Variants in LRP1B observed in about 807,000 individuals in gnomAD.
LRP1B encodes low-density lipoprotein receptor-related protein 1B.
In LRP1B, 217 loss-of-function variants were observed where a neutral mutation model predicts 556.6. The observed-to-expected ratio is 0.39, with a 90% CI of 0.35 to 0.44. LRP1B has a LOEUF of 0.44. Among genes scored for constraint, LRP1B ranks in the 20% least tolerant of loss-of-function variants. LRP1B has a pLI of 1.00. For missense variants in LRP1B, 5,053 were observed against 5,620.8 expected (o/e 0.90, Z 3.23); for synonymous variants, 2,047 against 1,865.8 (o/e 1.10, Z -2.50).
At chr2:141,212,140 A>C (rs5022755) in intron 6 of LRP1B, among the ~76,000 whole-genome samples, 151,668 of 151,964 alleles carry the variant, frequency 1, 75,686 homozygotes, top group Middle Eastern at 1. Flanking sequence ...AGATGTGCTT[A>C]GAATTCTTCA....
intron 3 of LRP1B, among the ~76,000 whole-genome samples, chr2:141,341,596 C>A (rs1044164304): frequency 6.6e-6 from 1 of 152,158 alleles, no homozygotes; most frequent in Non-Finnish European, 1.5e-5. Flanking sequence ...ATAACATTCT[C>A]TTTTCCTAGT....
chr2:141,795,353 A>G (rs1035365359), intron 2 of LRP1B, among the ~76,000 whole-genome samples: 7 of 152,018 alleles, frequency 4.6e-5, no homozygotes, highest in African/African-American at 1.7e-4. Flanking sequence ...TTTCTTTATA[A>G]AAAAATATTA....
intron 27 of LRP1B, among the ~76,000 whole-genome samples, chr2:140,860,967 G>T (rs991511693): frequency 1.4e-5 from 2 of 148,100 alleles, no homozygotes; most frequent in South Asian, 4.3e-4. Context: ...CGAAGTAAGA[G>T]AATTGTGCAT....
At chr2:140,752,509 G>A (rs1427632391) in intron 35 of LRP1B, among the ~76,000 whole-genome samples, 1 of 151,818 alleles carries the variant, frequency 6.6e-6, no homozygotes, top group African/African-American at 2.4e-5. Context: ...ATTTTTAGTA[G>A]AGACAGGGTT....
chr2:140,687,202 C>T (rs1686079949), intron 41 of LRP1B, among the ~76,000 whole-genome samples: 1 of 151,924 alleles, frequency 6.6e-6, no homozygotes, highest in Non-Finnish European at 1.5e-5. Context: ...GCTTAAATTG[C>T]CCAAGGAAAT....
chr2:141,258,696 G>A (rs1389765439), intron 3 of LRP1B, among the ~76,000 whole-genome samples: 1 of 152,070 alleles, frequency 6.6e-6, no homozygotes, highest in East Asian at 1.9e-4. Flanking sequence ...TTGGGGGCAG[G>A]TTTTTCTCTT....
At chr2:141,204,830 G>C (rs1026456918) in intron 6 of LRP1B, among the ~76,000 whole-genome samples, 4 of 151,962 alleles carry the variant, frequency 2.6e-5, no homozygotes, top group Admixed American at 6.6e-5. Context: ...CCAACTATTT[G>C]GGAGGCTGAG....
intron 4 of LRP1B, among the ~76,000 whole-genome samples, chr2:141,248,545 G>A (rs1410603875): frequency 2.0e-5 from 3 of 152,124 alleles, no homozygotes; most frequent in African/African-American, 7.2e-5. Context: ...CATGCGAACG[G>A]TATTGGGATG....
intron 7 of LRP1B, among the ~76,000 whole-genome samples, chr2:141,076,174 A>C (rs1402831551): frequency 3.3e-5 from 5 of 152,182 alleles, no homozygotes; most frequent in Admixed American, 3.3e-4. Flanking sequence ...CCTCAAGTTA[A>C]GTGTTTAAGA....
chr2:141,302,207 G>A (rs1415364585), intron 3 of LRP1B, among the ~76,000 whole-genome samples: 1 of 151,726 alleles, frequency 6.6e-6, no homozygotes, highest in African/African-American at 2.4e-5. Context: ...TTAAATATCT[G>A]GTATTTGAAA....
intron 1 of LRP1B, among the ~76,000 whole-genome samples, chr2:142,035,839 G>A (rs886473504): frequency 6.6e-6 from 1 of 151,630 alleles, no homozygotes; most frequent in Admixed American, 6.6e-5. Flanking sequence ...GAATTCCCAC[G>A]TGTGATGGGA....
chr2:141,049,606 T>C (rs1272804224), intron 10 of LRP1B, among the ~76,000 whole-genome samples: 1 of 152,096 alleles, frequency 6.6e-6, no homozygotes, highest in Non-Finnish European at 1.5e-5. Context: ...GTACCATTCA[T>C]TATATTTGAC....
intron 32 of LRP1B, among the ~76,000 whole-genome samples, chr2:140,791,902 C>A (rs542330478): frequency 7.9e-5 from 12 of 152,202 alleles, no homozygotes; most frequent in Non-Finnish European, 1.6e-4. Context: ...AGGAAGAATT[C>A]TTTGCCTTCC....
chr2:140,291,298 T>TTA (rs66596182), intron 84 of LRP1B, among the ~76,000 whole-genome samples: 1,518 of 71,988 alleles, frequency 0.021, 141 homozygotes, highest in East Asian at 0.18. Flanking sequence ...AAATTTTATT[T>TTA]TATATATATA....
intron 2 of LRP1B, among the ~76,000 whole-genome samples, chr2:141,747,835 G>A (rs183534476): frequency 8.7e-4 from 133 of 152,164 alleles, no homozygotes; most frequent in African/African-American, 3.0e-3. Context: ...GGTATTTGTT[G>A]TTCTTCTTGC....
intron 66 of LRP1B, among the ~76,000 whole-genome samples, chr2:140,433,378 G>A (rs1686036899): frequency 2.6e-5 from 4 of 152,070 alleles, no homozygotes; most frequent in South Asian, 4.1e-4. Flanking sequence ...AAGTACAAGC[G>A]TGAGCCACTG....
chr2:141,678,821 A>G (rs2105426001), intron 2 of LRP1B, among the ~76,000 whole-genome samples: 2 of 152,268 alleles, frequency 1.3e-5, no homozygotes, highest in Middle Eastern at 3.4e-3. Context: ...AATGAAATAC[A>G]TTGGTAGGCA....
At chr2:141,768,974 C>A (rs1315598894) in intron 2 of LRP1B, among the ~76,000 whole-genome samples, 1 of 151,634 alleles carries the variant, frequency 6.6e-6, no homozygotes, top group African/African-American at 2.4e-5. Context: ...TAATTCTCTC[C>A]CAAATCCTAA....
At chr2:142,107,794 A>ATTTTTTTTTTTTTTTTTT (rs67962280) in intron 1 of LRP1B, among the ~76,000 whole-genome samples, 3 of 110,590 alleles carry the variant, frequency 2.7e-5, no homozygotes, top group African/African-American at 3.4e-5. Flanking sequence ...CGCCTAGCTA[A>ATTTTTTTTTTTTTTTTTT]TTTTTTTTTT....
Sources: allele counts gnomAD v4.1 joint callset (sites outside exome capture counted in the v4.1 genomes callset), GRCh38; gene constraint gnomAD v4.1.1; transcripts MANE v1.5; gene names NCBI Gene and HGNC (gene_info 2026-07-23, HGNC 2026-07-21).